Variants in CD99L2 observed in about 807,000 individuals in gnomAD.
CD99L2 encodes the protein CD99 molecule like 2.
CD99L2 carries 24 observed loss-of-function variants against 27.3 expected under a neutral mutation model. That is an observed-to-expected ratio of 0.88 (90% CI 0.64 to 1.24). The LOEUF (loss-of-function observed/expected upper bound fraction) is 1.24, where lower values mean the gene tolerates loss of function less well. CD99L2 is among the 50% of genes most tolerant of loss of function. The pLI, the probability that CD99L2 is intolerant of heterozygous loss-of-function variation, is 0.00. For synonymous variants in CD99L2, 97 were observed against 87.9 expected (o/e 1.10, Z -0.58); for missense variants, 255 against 221.6 (o/e 1.15, Z -0.96).
Position 150,898,533 on chromosome X carries a change from AG to A in CD99L2, c.55del (p.Leu19TrpfsTer18). 9.0e-7 allele frequency: 1 copy of A among 1,110,315 alleles called. No individual in the cohort carries two copies. The allele number at this position is 1,110,315 out of a possible 1,213,427, so 91.5% of individuals were successfully genotyped here. On this transcript the variant is annotated frameshift_variant, in exon 1 of 11. Coordinates refer to ENST00000370377, the MANE Select transcript of CD99L2 (RefSeq NM_031462.4). LOFTEE classifies it high-confidence loss of function. ...LVCLAFSLAT[L>X]VQRGSGDFDD... ...CCCGCCCGCCTTACCTCGCTGGACC[AG>A]GGTGGCCAAGGAGAAAGCGAGGCAG...
At chrX:150,883,027 G>T (rs1229641160) in intron 1 of CD99L2, among the ~76,000 whole-genome samples, 1 of 111,304 alleles carries the variant, frequency 9.0e-6, no homozygotes, top group East Asian at 2.8e-4. Context: ...AAAATTAGCT[G>T]GGCGTGGTGG....
intron 1 of CD99L2, among the ~76,000 whole-genome samples, chrX:150,860,297 T>A (rs1557421873): frequency 1.8e-5 from 1 of 55,245 alleles, no homozygotes; most frequent in African/African-American, 7.1e-5. Context: ...AAACTCAAAC[T>A]AGGCATAGAA....
intron 9 of CD99L2, among the ~76,000 whole-genome samples, chrX:150,772,633 G>A (rs2043480451): frequency 8.8e-6 from 1 of 113,061 alleles, no homozygotes; most frequent in Admixed American, 9.3e-5. Flanking sequence ...AGGAGCGTGA[G>A]GTGTGGAGGA....
At chrX:150,885,721 G>A (rs1431481710) in intron 1 of CD99L2, among the ~76,000 whole-genome samples, 1 of 112,071 alleles carries the variant, frequency 8.9e-6, no homozygotes, top group East Asian at 2.8e-4. Flanking sequence ...TCTTATTATA[G>A]TTTAATTTGC....
At chrX:150,848,118 C>T (rs115994971) in intron 1 of CD99L2, among the ~76,000 whole-genome samples, 2,837 of 107,354 alleles carry the variant, frequency 0.026, 115 homozygotes, top group African/African-American at 0.093. Flanking sequence ...CAGGCCCCCC[C>T]CCCCTTGTAC....
chrX:150,896,606 C>T (rs1207103032), intron 1 of CD99L2, among the ~76,000 whole-genome samples: 3 of 111,684 alleles, frequency 2.7e-5, no homozygotes, highest in Non-Finnish European at 5.6e-5. Context: ...AGGAAGAACT[C>T]AGGAGATGGT....
chrX:150,896,704 C>T (rs1018096105), intron 1 of CD99L2, among the ~76,000 whole-genome samples: 1 of 112,396 alleles, frequency 8.9e-6, no homozygotes, highest in Non-Finnish European at 1.9e-5. Flanking sequence ...CAAACAAGTT[C>T]GGGGAACTCA....
chrX:150,853,066 T>C (rs2046817461), intron 1 of CD99L2, among the ~76,000 whole-genome samples: 1 of 111,175 alleles, frequency 9.0e-6, no homozygotes, highest in South Asian at 3.8e-4. Flanking sequence ...TGACCCCTCT[T>C]GACTCCCAGT....
chrX:150,793,436 C>A (rs1324051657), intron 7 of CD99L2, among the ~76,000 whole-genome samples: 3 of 112,329 alleles, frequency 2.7e-5, no homozygotes, highest in Non-Finnish European at 5.6e-5. Flanking sequence ...AAATAGGCTT[C>A]AGCCAGCATG....
rs781855699 is a variant in CD99L2 at position 150,816,091 on chromosome X, G to A, written c.131-13C>T. On this transcript the variant is annotated splice_polypyrimidine_tract_variant and intron_variant, in intron 2 of 10. Coordinates refer to ENST00000370377, the MANE Select transcript of CD99L2 (RefSeq NM_031462.4). ...TGGTCCCATGGCTCTAAAAGGGAGA[G>A]GGAGGACAGCAAGGGGAGCACGTTT... 3 of 1,206,132 alleles carry A rather than the reference G, an allele frequency of 2.5e-6. No homozygotes were observed. The highest frequency in any genetic ancestry group is 3.0e-5 in the East Asian group (1 of 33,806).
At chrX:150,774,762 A>G (rs782434706) in intron 9 of CD99L2, among the ~76,000 whole-genome samples, 1 of 112,138 alleles carries the variant, frequency 8.9e-6, no homozygotes, top group African/African-American at 3.2e-5. Flanking sequence ...TCTCCTTCTA[A>G]ATATCAGTGT....
At chrX:150,847,072 G>A (rs937411900) in intron 1 of CD99L2, among the ~76,000 whole-genome samples, 5 of 112,101 alleles carry the variant, frequency 4.5e-5, no homozygotes, top group Admixed American at 9.4e-5. Flanking sequence ...CGCTGAGCAC[G>A]AGGCACCTCC....
At chrX:150,794,287 A>G (rs1311339054) in intron 6 of CD99L2, among the ~76,000 whole-genome samples, 1 of 111,580 alleles carries the variant, frequency 9.0e-6, no homozygotes, top group African/African-American at 3.3e-5. Context: ...ATGTACTGTC[A>G]ACAAGCAATT....
At chrX:150,823,242 AG>A (rs1447672887) in intron 2 of CD99L2, among the ~76,000 whole-genome samples, 3 of 112,180 alleles carry the variant, frequency 2.7e-5, no homozygotes, top group Non-Finnish European at 5.6e-5. Flanking sequence ...TGCTTATAAC[AG>A]AATACCTGAA....
At chrX:150,775,083 CA>C (rs2043527638) in intron 9 of CD99L2, among the ~76,000 whole-genome samples, 1 of 112,510 alleles carries the variant, frequency 8.9e-6, no homozygotes, top group East Asian at 2.8e-4. Context: ...GTGAAGCAAA[CA>C]AATATGATGG....
intron 1 of CD99L2, among the ~76,000 whole-genome samples, chrX:150,842,952 C>T (rs2046644214): frequency 1.8e-5 from 2 of 112,083 alleles, no homozygotes; most frequent in Admixed American, 1.9e-4. Flanking sequence ...AGCAAGAAAG[C>T]ATTTCCTAAA....
At chrX:150,827,547 A>G (rs185729928) in intron 2 of CD99L2, among the ~76,000 whole-genome samples, 12 of 112,174 alleles carry the variant, frequency 1.1e-4, no homozygotes, top group African/African-American at 3.6e-4. Context: ...AAATTTATTG[A>G]AAGTCTATTT....
intron 9 of CD99L2, among the ~76,000 whole-genome samples, chrX:150,775,441 T>A (rs2043532472): frequency 8.9e-6 from 1 of 112,463 alleles, no homozygotes; most frequent in South Asian, 3.7e-4. Flanking sequence ...GGCTGCCTGA[T>A]GTGGGGCGCC....
intron 2 of CD99L2, chrX:150,819,058 G>C (rs2124193757): frequency 3.2e-6 from 1 of 315,445 alleles, no homozygotes; most frequent in South Asian, 3.2e-5. Flanking sequence ...CACAGCAAAT[G>C]GTAGACCGAA....
Sources: gnomAD v4.1 joint callset for allele counts (sites outside exome capture counted in the v4.1 genomes callset) on GRCh38, gnomAD v4.1.1 for gene constraint, MANE v1.5 for transcripts, NCBI Gene and HGNC (gene_info 2026-07-23, HGNC 2026-07-21) for gene names.